MYO3B: variants seen among roughly 807,000 people sequenced by gnomAD.
MYO3B encodes the protein myosin IIIB, also known as myosin-IIIb.
In MYO3B, 156 loss-of-function variants were observed where a neutral mutation model predicts 174.6. The observed-to-expected ratio is 0.89, with a 90% CI of 0.78 to 1.02. MYO3B has a LOEUF of 1.02. MYO3B is among the 50% of genes least tolerant of loss of function. The pLI, the probability that MYO3B is intolerant of heterozygous loss-of-function variation, is 0.00. For missense variants in MYO3B, 1,632 were observed against 1,639.4 expected (o/e 1.00, Z 0.08); for synonymous variants, 563 against 569.1 (o/e 0.99, Z 0.15).
intron 25 of MYO3B, among the ~76,000 whole-genome samples, chr2:170,469,299 G>C (rs1684830919): frequency 6.6e-6 from 1 of 152,158 alleles, no homozygotes. Flanking sequence ...TGCATGACAA[G>C]AAGGCAGGAA....
intron 7 of MYO3B, among the ~76,000 whole-genome samples, chr2:170,316,848 T>G (rs985124205): frequency 1.3e-5 from 2 of 152,216 alleles, no homozygotes; most frequent in Non-Finnish European, 2.9e-5. Context: ...TTTGCGAGAA[T>G]GGTGCCACTG....
Position 170,515,108 on chromosome 2 carries a change from A to T in MYO3B, c.3472+86A>T, listed in dbSNP as rs923269794. 10 of 1,112,484 alleles carry T rather than the reference A, an allele frequency of 9.0e-6. No individual in the cohort carries two copies. The Admixed American group carries it at 1.6e-4, about 18-fold the overall frequency. The allele number at this position is 1,112,484 out of a possible 1,614,324, so 68.9% of individuals were successfully genotyped here. On this transcript the variant is annotated intron_variant, in intron 29 of 34. Transcript: ENST00000408978. Reference sequence around the variant, plus strand: ...CCAAAGCTGGAAGTGATCACCTCTTATATAAGAACCTTCTGTCCACCACTC... The same window carrying T: ...CCAAAGCTGGAAGTGATCACCTCTTTTATAAGAACCTTCTGTCCACCACTC...
chr2:170,583,742 G>T (rs1693312599), intron 32 of MYO3B, among the ~76,000 whole-genome samples: 1 of 152,056 alleles, frequency 6.6e-6, no homozygotes, highest in African/African-American at 2.4e-5. Context: ...GTATCTAAAA[G>T]GTACTCTTCC....
At chr2:170,386,947 A>G (rs991803736) in intron 13 of MYO3B, among the ~76,000 whole-genome samples, 159 bp from the exon 14 acceptor site, 2 of 152,248 alleles carry the variant, frequency 1.3e-5, no homozygotes, top group South Asian at 2.1e-4. Flanking sequence ...GGAGTTGCTC[A>G]TATGAGAAAA....
At chr2:170,596,813 T>C (rs914625860) in intron 32 of MYO3B, among the ~76,000 whole-genome samples, 30 of 152,178 alleles carry the variant, frequency 2.0e-4, no homozygotes, top group Admixed American at 1.7e-3. Context: ...ACGCACATGG[T>C]CACCAGCCAC....
rs2093394974 is a variant in MYO3B at position 170,267,724 on chromosome 2, G to T, written c.749+31588G>T. Among the ~76,000 whole-genome samples the T allele has an allele frequency of 2.0e-5, 3 of 152,056 alleles. No individual in the cohort carries two copies. In the South Asian group the frequency reaches 6.2e-4, roughly 31 times the overall value. On this transcript the variant is annotated intron_variant, in intron 7 of 34. Coordinates refer to ENST00000408978, the MANE Select transcript of MYO3B (RefSeq NM_138995.5). ...CTTTCTTCCTCTTGATATCTGATAG[G>T]AACAAAATTGCAAATATAGTAATCT... is the stretch of plus-strand genomic sequence containing the variant.
intron 7 of MYO3B, among the ~76,000 whole-genome samples, chr2:170,246,186 G>C (rs1422881052): frequency 1.3e-5 from 2 of 152,238 alleles, no homozygotes; most frequent in Non-Finnish European, 2.9e-5. Context: ...TAAAACTACA[G>C]AGTCTCCCTC....
chr2:170,390,481 G>A (rs1358547201), intron 14 of MYO3B, among the ~76,000 whole-genome samples: 2 of 152,218 alleles, frequency 1.3e-5, no homozygotes, highest in Non-Finnish European at 2.9e-5. Context: ...GCAAGTAGAG[G>A]CATCTAGAAT....
chr2:170,386,138 G>C (rs1305909181), intron 12 of MYO3B, 51 bp from the exon 13 acceptor site: 7 of 1,480,912 alleles, frequency 4.7e-6, no homozygotes, highest in Non-Finnish European at 5.7e-6. Context: ...AAGCATGCAA[G>C]TTGCTTCTGT....
At chr2:170,368,044 A>G (rs1201622982) in intron 8 of MYO3B, among the ~76,000 whole-genome samples, 1 of 152,264 alleles carries the variant, frequency 6.6e-6, no homozygotes, top group African/African-American at 2.4e-5. Flanking sequence ...AAGGGATATG[A>G]AAGTGTTTTG....
chr2:170,387,241 G>A lies in MYO3B; in HGVS notation c.1510G>A (p.Gly504Arg), dbSNP rs772663356. The A allele has an allele frequency of 6.2e-7, 1 of 1,614,140 alleles. No homozygotes were observed. The highest frequency in any genetic ancestry group is 8.5e-7 in the Non-Finnish European group (1 of 1,179,994). The change falls in exon 14 of 35, where the codon GGA (glycine) becomes AGA (arginine). Residue 504 changes from glycine to arginine, a missense_variant. By Grantham distance (125) the Gly-to-Arg change is moderately radical. Coordinates refer to ENST00000408978, the MANE Select transcript of MYO3B (RefSeq NM_138995.5). ...TCTGGAAATGATGTTTACACCAACT[G>A]GAGTTGTGATGGGGGCAAGAATCTC... ...KYLEMMFTPT[G>R]VVMGARISEY...
At chr2:170,375,984 G>A (rs1450746988) in intron 9 of MYO3B, among the ~76,000 whole-genome samples, 1 of 152,028 alleles carries the variant, frequency 6.6e-6, no homozygotes, top group Non-Finnish European at 1.5e-5. Flanking sequence ...TTTTATGCTG[G>A]TGTTACTGAT....
chr2:170,239,421 TGTGGGCATCA>T (rs1302368215), intron 7 of MYO3B, among the ~76,000 whole-genome samples: 2 of 152,244 alleles, frequency 1.3e-5, no homozygotes, highest in Non-Finnish European at 2.9e-5. Context: ...TGAGGAAGGC[TGTGGGCATCA>T]GTGTGGGTGG....
At chr2:170,620,348 A>G (rs989688389) in intron 32 of MYO3B, among the ~76,000 whole-genome samples, 10 of 152,234 alleles carry the variant, frequency 6.6e-5, no homozygotes, top group African/African-American at 1.9e-4. Context: ...TAAGAGTTCA[A>G]TTCTAGAGAC....
At position 170,235,874 on chromosome 2, in the gene MYO3B, T is replaced by G; in HGVS notation, c.604-117T>G. 5 of 1,216,036 alleles carry G rather than the reference T, an allele frequency of 4.1e-6. No homozygotes were observed. In the South Asian group the frequency reaches 6.5e-5, roughly 16 times the overall value. The allele number at this position is 1,216,036 out of a possible 1,614,324, so 75.3% of individuals were successfully genotyped here. ...GAATGCACACATCTTATTACTGGAATTCAATATCATCGTGGCCAAGAAAAC... is the reference window on the plus strand; with the variant it reads ...GAATGCACACATCTTATTACTGGAAGTCAATATCATCGTGGCCAAGAAAAC... On this transcript the variant is annotated intron_variant, in intron 6 of 34. Coordinates refer to ENST00000408978, the MANE Select transcript of MYO3B (RefSeq NM_138995.5).
At chr2:170,182,349 G>T (rs985751597) in intron 1 of MYO3B, among the ~76,000 whole-genome samples, 1 of 152,110 alleles carries the variant, frequency 6.6e-6, no homozygotes, top group Admixed American at 6.6e-5. Flanking sequence ...AGCAAGTTAA[G>T]CCAGCATAAT....
chr2:170,537,211 AAAAAC>A lies in MYO3B; in HGVS notation c.3576-5690_3576-5686del, dbSNP rs1401997704. On this transcript the variant is annotated intron_variant, in intron 30 of 34. Transcript: ENST00000408978. ...GCGAGACTCTGTCTCAAAAAAAAAA[AAAAAC>A]AAAAAACAAAAAGTATCCTGGTCTC... Among the ~76,000 whole-genome samples, 165 of 122,326 alleles carry A rather than the reference AAAAAC, an allele frequency of 1.3e-3. 2 individuals carry two copies. Among genetic ancestry groups the A allele is most frequent in the African/African-American group, 4.9e-3 (155 of 31,570 alleles). The allele number at this position is 122,326 out of a possible 152,430, so 80.3% of individuals were successfully genotyped here. A position where few individuals can be genotyped will look rare whatever the true frequency, so the allele number is the denominator to read the frequency against.
intron 7 of MYO3B, among the ~76,000 whole-genome samples, chr2:170,294,772 T>TGG (rs1190181683): frequency 1.3e-5 from 2 of 152,268 alleles, no homozygotes; most frequent in East Asian, 3.9e-4. Context: ...AGATTGAACT[T>TGG]TAAGATAAAC....
chr2:170,321,638 A>G (rs898680756), intron 7 of MYO3B, among the ~76,000 whole-genome samples: 3 of 152,178 alleles, frequency 2.0e-5, no homozygotes, highest in Non-Finnish European at 4.4e-5. Flanking sequence ...ACTAGAGTGA[A>G]GTGAGAGAGA....
Sources: gnomAD v4.1 joint callset for allele counts (sites outside exome capture counted in the v4.1 genomes callset) on GRCh38, gnomAD v4.1.1 for gene constraint, MANE v1.5 for transcripts, NCBI Gene and HGNC (gene_info 2026-07-23, HGNC 2026-07-21) for gene names.